The following N4BP2 variants were observed in gnomAD, a reference collection of about 807,000 sequenced individuals.
N4BP2 encodes NEDD4-binding protein 2.
N4BP2 carries 91 observed loss-of-function variants against 152.8 expected under a neutral mutation model. That is an observed-to-expected ratio of 0.60 (90% CI 0.50 to 0.71). The LOEUF (loss-of-function observed/expected upper bound fraction) is 0.71, where lower values mean the gene tolerates loss of function less well. Ranked by LOEUF, N4BP2 falls within the 30% of genes least tolerant of loss-of-function variation. The pLI, the probability that N4BP2 is intolerant of heterozygous loss-of-function variation, is 0.00. For synonymous variants in N4BP2, 646 were observed against 705.3 expected, an observed-to-expected ratio of 0.92 and a Z score of 1.33; for missense variants, 1,923 against 2,059.1, an observed-to-expected ratio of 0.93 and a Z score of 1.28.
chr4:40,126,306 T>A lies in N4BP2; in HGVS notation c.4503T>A (p.Ile1501=), dbSNP rs142355696. 367 of 1,556,036 alleles carry A rather than the reference T, an allele frequency of 2.4e-4. 1 individual carries two copies. The highest frequency in any genetic ancestry group is 3.7e-5 in the Non-Finnish European group (43 of 1,147,464). Reference sequence around the variant, plus strand: ...TCAGAGAAATAATGTCAGAAGAAATTGCCTTACAGGAAAAACATAATTTGG... The same window carrying A: ...TCAGAGAAATAATGTCAGAAGAAATAGCCTTACAGGAAAAACATAATTTGG... The part of the protein sequence containing the change: ...VSLREIMSEE[I]ALQEKHNLKR... The change falls in exon 12 of 18, where the codon ATT becomes ATA. Residue 1501 remains isoleucine (I), a synonymous_variant. Transcript: ENST00000261435.
intron 1 of N4BP2, among the ~76,000 whole-genome samples, chr4:40,066,740 G>A (rs1219219720): frequency 6.6e-6 from 1 of 152,152 alleles, no homozygotes; most frequent in African/African-American, 2.4e-5. Flanking sequence ...GGGGAAAAAA[G>A]TACAACGTAT....
chr4:40,165,152 T>G, the N4BP2 span, among the ~76,000 whole-genome samples: 1 of 152,234 alleles, frequency 6.6e-6, no homozygotes, highest in African/African-American at 2.4e-5. Context: ...TCTCTTATAT[T>G]TCTTGGTTCC....
At chr4:40,118,200 C>T (rs1357914991) in intron 8 of N4BP2, among the ~76,000 whole-genome samples, 176 bp downstream of exon 8, 1 of 152,112 alleles carries the variant, frequency 6.6e-6, no homozygotes, top group Non-Finnish European at 1.5e-5. Context: ...AGGTGGATCA[C>T]CTGAGGTCAG....
intron 12 of N4BP2, among the ~76,000 whole-genome samples, chr4:40,127,946 C>T (rs958728791): frequency 6.6e-6 from 1 of 152,178 alleles, no homozygotes; most frequent in Non-Finnish European, 1.5e-5. Context: ...CAGGCGTGAG[C>T]CGCCATTCCT....
intron 5 of N4BP2, 21 bp from the exon 6 acceptor site, chr4:40,112,063 T>A (rs187816981): frequency 1.2e-5 from 15 of 1,264,518 alleles, no homozygotes; most frequent in Middle Eastern, 1.9e-4. Flanking sequence ...AAATGATTTT[T>A]AATTATGTTA....
At chr4:40,093,056 G>C (rs1453750417) in intron 2 of N4BP2, among the ~76,000 whole-genome samples, 2 of 151,842 alleles carry the variant, frequency 1.3e-5, no homozygotes, top group Non-Finnish European at 2.9e-5. Flanking sequence ...CGATTCTCCT[G>C]CCTCAGTCTC....
In N4BP2 at chr4:40,097,466, G is replaced by C. The variant is rs759507487; in HGVS notation, c.126G>C (p.Glu42Asp). The C allele has an allele frequency of 6.2e-7, 1 of 1,614,076 alleles. No homozygotes were observed. The highest frequency in any genetic ancestry group is 8.5e-7 in the Non-Finnish European group (1 of 1,179,974). Residue 42 changes from glutamate (E) to aspartate (D), a missense_variant, in exon 3 of 18, where the codon GAG (glutamate) becomes GAC (aspartate). Transcript: ENST00000261435. ...EPTTTLPSMG[E>D]TKVDQEELFT... ...CCACTACTCTACCTTCCATGGGTGA[G>C]ACAAAAGTTGATCAGGAAGAACTCT...
chr4:40,074,139 G>A (rs1006685274), intron 2 of N4BP2, among the ~76,000 whole-genome samples: 4 of 150,996 alleles, frequency 2.6e-5, no homozygotes, highest in African/African-American at 4.9e-5. Flanking sequence ...TGCTCAGGCT[G>A]GAGTGCAGTG....
chr4:40,075,724 C>CT (rs1218355692), intron 2 of N4BP2, among the ~76,000 whole-genome samples: 4 of 152,078 alleles, frequency 2.6e-5, no homozygotes, highest in East Asian at 1.9e-4. Flanking sequence ...ATTCCACCAA[C>CT]TTTTTTTTAT....
rs376544109 is a variant in N4BP2, at chr4:40,131,794, G to A, written c.4528-7G>A. ...TCTTGAACATGATTTTTATGTTTTT[G>A]TTTTAGAAAAGGGAGACCCTTATGT... is the stretch of plus-strand genomic sequence containing the variant. On this transcript the variant is annotated splice_polypyrimidine_tract_variant and splice_region_variant and intron_variant, in intron 12 of 17. Transcript: ENST00000261435. The A allele has an allele frequency of 1.3e-6, 2 of 1,593,162 alleles. No individual in the cohort carries two copies. The highest frequency in any genetic ancestry group is 2.7e-5 in the African/African-American group (2 of 74,240).
intron 7 of N4BP2, among the ~76,000 whole-genome samples, chr4:40,117,432 G>C (rs879632685): frequency 1.3e-5 from 2 of 152,320 alleles, no homozygotes; most frequent in African/African-American, 4.8e-5. Flanking sequence ...TTTTCATTAA[G>C]ACCAAACCTT....
chr4:40,171,979 T>A, the N4BP2 span, among the ~76,000 whole-genome samples: 5 of 152,186 alleles, frequency 3.3e-5, no homozygotes, highest in African/African-American at 1.2e-4. Context: ...CGATCTCAGC[T>A]CACTGCAACC....
Position 40,102,196 on chromosome 4 carries a change from G to GA in N4BP2, c.351_352insA (p.Glu118ArgfsTer5). ...TAGGTGCAGCAGAAAGTAAAATAATGGAAAAACGTCCTGAAGAAGAGAGTG... is the reference window on the plus strand; with the variant it reads ...TAGGTGCAGCAGAAAGTAAAATAATGAGAAAAACGTCCTGAAGAAGAGAGTG... On this transcript the variant is annotated frameshift_variant, in exon 4 of 18. Coordinates refer to ENST00000261435, the MANE Select transcript of N4BP2 (RefSeq NM_018177.6). LOFTEE classifies it high-confidence loss of function. 1 of 1,613,864 alleles carries GA rather than the reference G, an allele frequency of 6.2e-7. No individual in the cohort carries two copies. The highest frequency in any genetic ancestry group is 8.5e-7 in the Non-Finnish European group (1 of 1,179,914).
intron 1 of N4BP2, among the ~76,000 whole-genome samples, chr4:40,070,582 T>TG (rs1180835236): frequency 1.3e-5 from 2 of 151,908 alleles, no homozygotes; most frequent in Admixed American, 6.6e-5. Flanking sequence ...CTGGAGTGGC[T>TG]GGGGGCTACA....
chr4:40,144,912 C>T lies in N4BP2; in HGVS notation c.5143+112C>T. 3.9e-6 allele frequency: 3 copies of T among 767,512 alleles called. No homozygotes were observed. The East Asian group carries it at 8.5e-5, about 22-fold the overall frequency. 47.5% of individuals were successfully genotyped at this position (767,512 alleles called of 1,614,324 possible). A position where few individuals can be genotyped will look rare whatever the true frequency, so the allele number is the denominator to read the frequency against. On this transcript the variant is annotated intron_variant, in intron 16 of 17. Transcript: ENST00000261435. ...ATGCAGGCTGAGAATATCTGTGTAA[C>T]ATCTGTAAATGTTTATGTTATTCAT...
At chr4:40,071,158 TCTACTCTGCCTCTCCTTCC>T (rs899863161) in intron 1 of N4BP2, among the ~76,000 whole-genome samples, 11 of 152,176 alleles carry the variant, frequency 7.2e-5, no homozygotes, top group East Asian at 3.8e-4. Flanking sequence ...CACCTCCTTC[TCTACTCTGCCTCTCCTTCC>T]CTACTCTGCC....
At chr4:40,057,508 A>T (rs1390504665) in intron 1 of N4BP2, among the ~76,000 whole-genome samples, 1 of 152,138 alleles carries the variant, frequency 6.6e-6, no homozygotes, top group Non-Finnish European at 1.5e-5. Flanking sequence ...TTATTTACTC[A>T]GTTCAAGTCC....
chr4:40,169,379 C>CAA, the N4BP2 span, among the ~76,000 whole-genome samples: 921 of 95,000 alleles, frequency 9.7e-3, 12 homozygotes, highest in African/African-American at 0.032. Flanking sequence ...AAGACTGTCT[C>CAA]AAAAAAAAAA....
Position 40,112,059 on chromosome 4 carries a change from T to C in N4BP2, c.1499-25T>C, listed in dbSNP as rs771689281. On this transcript the variant is annotated intron_variant, in intron 5 of 17. Transcript: ENST00000261435. ...ATACTTAGTATTGTTTAAAAAATGA[T>C]TTTTAATTATGTTATGTTTTTCAGC... is the stretch of plus-strand genomic sequence containing the variant. 4 of 1,240,322 alleles carry C rather than the reference T, an allele frequency of 3.2e-6. No homozygotes were observed. In the South Asian group the frequency reaches 5.3e-5, roughly 16 times the overall value. The allele number at this position is 1,240,322 out of a possible 1,614,324, so 76.8% of individuals were successfully genotyped here.
Sources: allele counts gnomAD v4.1 joint callset (sites outside exome capture counted in the v4.1 genomes callset), GRCh38; gene constraint gnomAD v4.1.1; transcripts MANE v1.5; gene names NCBI Gene and HGNC (gene_info 2026-07-23, HGNC 2026-07-21).